The following PLCH1 variants were observed in gnomAD, a reference collection of about 807,000 sequenced individuals.
The protein encoded by PLCH1 is phospholipase C eta 1, also known as 1-phosphatidylinositol 4,5-bisphosphate phosphodiesterase eta-1.
PLCH1 carries 60 observed loss-of-function variants against 126.7 expected under a neutral mutation model. The observed-to-expected ratio is 0.47, with a 90% CI of 0.38 to 0.59. The LOEUF (loss-of-function observed/expected upper bound fraction) is 0.59, where lower values mean the gene tolerates loss of function less well. Among genes scored for constraint, PLCH1 ranks in the 20% least tolerant of loss-of-function variants. PLCH1 has a pLI of 0.00. For missense variants in PLCH1, 1,723 were observed against 2,040.0 expected, an observed-to-expected ratio of 0.84 and a Z score of 2.99; for synonymous variants, 719 against 734.9, an observed-to-expected ratio of 0.98 and a Z score of 0.35.
intron 2 of PLCH1, among the ~76,000 whole-genome samples, chr3:155,646,758 C>A (rs1740106422): frequency 6.6e-6 from 1 of 152,174 alleles, no homozygotes; most frequent in Non-Finnish European, 1.5e-5. Flanking sequence ...AACGAGTCAG[C>A]TTATTTCCCA....
intron 12 of PLCH1, among the ~76,000 whole-genome samples, chr3:155,505,892 C>CTT (rs761646376): frequency 7.4e-5 from 9 of 120,974 alleles, no homozygotes; most frequent in Non-Finnish European, 1.3e-4. Context: ...TCTTGGTCCG[C>CTT]TTTTTTTTTT....
chr3:155,715,937 T>A (rs1206923562), intron 1 of PLCH1, among the ~76,000 whole-genome samples: 1 of 152,180 alleles, frequency 6.6e-6, no homozygotes, highest in Non-Finnish European at 1.5e-5. Context: ...ATTTTGCATC[T>A]TTTTCTAACC....
intron 2 of PLCH1, among the ~76,000 whole-genome samples, chr3:155,649,760 T>C (rs934785579): frequency 3.3e-5 from 5 of 152,024 alleles, no homozygotes; most frequent in Admixed American, 1.3e-4. Flanking sequence ...GGGTGGATCA[T>C]GAGGTCAGAA....
intron 2 of PLCH1, among the ~76,000 whole-genome samples, chr3:155,626,281 A>T (rs1737236663): frequency 6.6e-6 from 1 of 152,166 alleles, no homozygotes; most frequent in Non-Finnish European, 1.5e-5. Flanking sequence ...GAAACACAGG[A>T]CACTGGAAGG....
At chr3:155,686,532 G>A (rs1465017425) in intron 2 of PLCH1, among the ~76,000 whole-genome samples, 1 of 152,166 alleles carries the variant, frequency 6.6e-6, no homozygotes, top group Non-Finnish European at 1.5e-5. Flanking sequence ...GGTGTGGCAT[G>A]GTAGGTACCT....
At chr3:155,693,435 G>A (rs1745558568) in intron 2 of PLCH1, among the ~76,000 whole-genome samples, 1 of 28,472 alleles carries the variant, frequency 3.5e-5, no homozygotes, top group Non-Finnish European at 4.8e-5. Flanking sequence ...ACTGCAGTCC[G>A]CAGTCCGACC....
At chr3:155,528,927 A>G (rs1052391008) in intron 10 of PLCH1, among the ~76,000 whole-genome samples, 1 of 152,232 alleles carries the variant, frequency 6.6e-6, no homozygotes, top group Non-Finnish European at 1.5e-5. Context: ...TCAGAGCCCT[A>G]TTTTTGGTCA....
At chr3:155,470,252 C>G (rs1027344541) in intron 21 of PLCH1, among the ~76,000 whole-genome samples, 1 of 152,110 alleles carries the variant, frequency 6.6e-6, no homozygotes, top group Non-Finnish European at 1.5e-5. Flanking sequence ...GAGCTGAAAA[C>G]CAAGGCTCGA....
rs187287803 is a variant in PLCH1 at position 155,709,505 on chromosome 3, T to C, written c.-40-5241A>G. 1.1e-4 allele frequency among the ~76,000 whole-genome samples: 16 copies of C among 152,344 alleles called. No homozygotes were observed. In the East Asian group the frequency reaches 3.1e-3, roughly 29 times the overall value. ...TCTAATAGCTGTGTGGTGGTACTCA[T>C]TGCTGTTTTAATTTCTACTTTGCTA... On this transcript the variant is annotated intron_variant, in intron 1 of 22. Transcript: ENST00000460012.
At chr3:155,649,177 G>A (rs1047045115) in intron 2 of PLCH1, among the ~76,000 whole-genome samples, 5 of 152,162 alleles carry the variant, frequency 3.3e-5, no homozygotes, top group Non-Finnish European at 7.3e-5. Context: ...GCAGTACTGA[G>A]ATATGTAGGC....
intron 2 of PLCH1, among the ~76,000 whole-genome samples, chr3:155,678,324 C>G (rs953564919): frequency 6.6e-6 from 1 of 152,166 alleles, no homozygotes; most frequent in Admixed American, 6.5e-5. Flanking sequence ...TCTGGGGCAC[C>G]GTTGAGGGCC....
intron 6 of PLCH1, among the ~76,000 whole-genome samples, chr3:155,577,828 C>A (rs1251906249): frequency 2.0e-5 from 3 of 152,188 alleles, no homozygotes; most frequent in African/African-American, 7.2e-5. Flanking sequence ...GGTAATTCCA[C>A]TAGCCTGAAT....
intron 21 of PLCH1, among the ~76,000 whole-genome samples, chr3:155,465,816 G>A (rs1712908550): frequency 1.3e-5 from 2 of 152,148 alleles, no homozygotes; most frequent in African/African-American, 4.8e-5. Flanking sequence ...GACCCTTCGG[G>A]CTTAAGGGAA....
At chr3:155,706,615 CAA>C (rs56707638) in intron 1 of PLCH1, among the ~76,000 whole-genome samples, 22,705 of 138,034 alleles carry the variant, frequency 0.16, 2,196 homozygotes, top group East Asian at 0.45. Context: ...GACTCCGTCT[CAA>C]AAAAAAAAAA....
At chr3:155,583,770 A>C (rs1005517617) in intron 5 of PLCH1, 128 bp from the exon 6 acceptor site, 1 of 592,204 alleles carries the variant, frequency 1.7e-6, no homozygotes, top group African/African-American at 1.9e-5. Context: ...ATTCTCTTCG[A>C]GCACACATTC....
intron 21 of PLCH1, among the ~76,000 whole-genome samples, chr3:155,466,042 C>T (rs936439523): frequency 2.0e-5 from 3 of 152,222 alleles, no homozygotes; most frequent in Non-Finnish European, 2.9e-5. Flanking sequence ...TCTGGGCCCA[C>T]CTAGGGTCTA....
chr3:155,554,012 G>C (rs1472581671), intron 9 of PLCH1, 64 bp downstream of exon 9: 3 of 1,532,382 alleles, frequency 2.0e-6, no homozygotes, highest in Non-Finnish European at 2.7e-6. Context: ...TTGTAGCTAC[G>C]TTACATCAGG....
At chr3:155,633,006 C>T (rs933526916) in intron 2 of PLCH1, among the ~76,000 whole-genome samples, 6 of 152,056 alleles carry the variant, frequency 3.9e-5, no homozygotes, top group South Asian at 4.1e-4. Context: ...TTGACCATAA[C>T]GTATTTCCAG....
intron 13 of PLCH1, among the ~76,000 whole-genome samples, chr3:155,503,891 T>G (rs948314299): frequency 6.6e-6 from 1 of 152,228 alleles, no homozygotes; most frequent in Non-Finnish European, 1.5e-5. Flanking sequence ...TCATAGTACA[T>G]AGTGCAGCTT....
Sources: gnomAD v4.1 joint callset for allele counts (sites outside exome capture counted in the v4.1 genomes callset) on GRCh38, gnomAD v4.1.1 for gene constraint, MANE v1.5 for transcripts, NCBI Gene and HGNC (gene_info 2026-07-23, HGNC 2026-07-21) for gene names.